STXBP3: variants seen among roughly 807,000 people sequenced by gnomAD.
STXBP3 encodes syntaxin binding protein 3.
STXBP3 carries 41 observed loss-of-function variants against 85.7 expected under a neutral mutation model. The ratio of observed to expected loss-of-function variants is 0.48; its 90% confidence interval spans 0.37 to 0.62. STXBP3 has a LOEUF of 0.62. STXBP3 is among the 20% of genes least tolerant of loss of function. The probability of loss-of-function intolerance (pLI) is 0.00; values close to 1 mark genes in which losing one functional copy is unlikely to be tolerated. For missense variants in STXBP3, 563 were observed against 703.1 expected, an observed-to-expected ratio of 0.80 and a Z score of 2.25; for synonymous variants, 229 against 231.7, an observed-to-expected ratio of 0.99 and a Z score of 0.10.
chr1:108,772,180 A>C (rs1169881790), intron 6 of STXBP3, among the ~76,000 whole-genome samples: 1 of 85,634 alleles, frequency 1.2e-5, no homozygotes, highest in African/African-American at 4.7e-5. Context: ...ATATCTATCT[A>C]TATATCATAT....
chr1:108,807,208 A>AGATC (rs1228699412), intron 17 of STXBP3, among the ~76,000 whole-genome samples, 193 bp from the exon 18 acceptor site: 2 of 150,516 alleles, frequency 1.3e-5, no homozygotes, highest in African/African-American at 4.9e-5. Flanking sequence ...CAGTGAACCA[A>AGATC]GATCGCTCCA....
At chr1:108,756,623 G>A in intron 3 of STXBP3, 67 bp from the exon 4 acceptor site, 1 of 900,034 alleles carries the variant, frequency 1.1e-6, no homozygotes, top group African/African-American at 1.7e-5. Context: ...GTACAGTAAA[G>A]TTTATTTAAA....
intron 9 of STXBP3, 103 bp from the exon 10 acceptor site, chr1:108,782,319 C>T (rs757605846): frequency 1.6e-4 from 138 of 864,490 alleles, no homozygotes; most frequent in Admixed American, 2.2e-4. Flanking sequence ...TTTTACTTTT[C>T]AGTTTCTTGA....
At chr1:108,778,594 C>A (rs1662639493) in intron 8 of STXBP3, among the ~76,000 whole-genome samples, 1 of 152,102 alleles carries the variant, frequency 6.6e-6, no homozygotes, top group African/African-American at 2.4e-5. Context: ...GCCTGTCTCA[C>A]AGGATTACTA....
intron 3 of STXBP3, among the ~76,000 whole-genome samples, chr1:108,756,244 T>C (rs755297957): frequency 6.6e-6 from 1 of 152,182 alleles, no homozygotes; most frequent in Non-Finnish European, 1.5e-5. Context: ...ATTGGCAATT[T>C]ATTTAAACAG....
intron 5 of STXBP3, among the ~76,000 whole-genome samples, chr1:108,759,462 T>C (rs1662089099): frequency 6.6e-6 from 1 of 152,146 alleles, no homozygotes; most frequent in Admixed American, 6.6e-5. Context: ...CTAGATCTAG[T>C]GGAATGATAA....
intron 17 of STXBP3, among the ~76,000 whole-genome samples, chr1:108,801,735 C>G (rs1051119219): frequency 6.6e-6 from 1 of 151,274 alleles, no homozygotes; most frequent in Non-Finnish European, 1.5e-5. Context: ...GTGGCATGAT[C>G]GTAGCTTACT....
chr1:108,786,026 G>C (rs1570766430), intron 11 of STXBP3, among the ~76,000 whole-genome samples: 1 of 152,286 alleles, frequency 6.6e-6, no homozygotes, highest in East Asian at 1.9e-4. Flanking sequence ...CTGTTACCCA[G>C]TTCCAAAGTT....
chr1:108,807,106 G>A (rs1395429577), intron 17 of STXBP3, among the ~76,000 whole-genome samples: 4 of 152,058 alleles, frequency 2.6e-5, no homozygotes, highest in African/African-American at 9.7e-5. Context: ...ACAAAAATTA[G>A]CTGGGCATGG....
intron 16 of STXBP3, 88 bp downstream of exon 16, chr1:108,798,325 T>G: frequency 9.8e-7 from 1 of 1,018,308 alleles, no homozygotes; most frequent in Non-Finnish European, 1.4e-6. Flanking sequence ...TCTGAGTATA[T>G]GTATTGGGCA....
chr1:108,747,110 G>GCCGCGCTCCCCACTCTTCTCCGCTCTCGT (rs1553194446), intron 1 of STXBP3, among the ~76,000 whole-genome samples: 1 of 147,394 alleles, frequency 6.8e-6, no homozygotes, highest in African/African-American at 2.5e-5. Flanking sequence ...CGTGCCCTCG[G>GCCGCGCTCCCCACTCTTCTCCGCTCTCGT]CCGCGCTCCC....
At chr1:108,778,062 G>T (rs916223906) in intron 8 of STXBP3, among the ~76,000 whole-genome samples, 5 of 152,062 alleles carry the variant, frequency 3.3e-5, no homozygotes, top group African/African-American at 1.2e-4. Flanking sequence ...GCAAGATGTG[G>T]TCAAGGCTGG....
chr1:108,798,400 C>A (rs1029762659), intron 16 of STXBP3, among the ~76,000 whole-genome samples, 163 bp downstream of exon 16: 4 of 119,848 alleles, frequency 3.3e-5, no homozygotes, highest in East Asian at 3.1e-4. Flanking sequence ...CTTGAAGATT[C>A]TTCTTCTTTT....
In STXBP3 at chr1:108,770,459, AGGGT is replaced by A. The variant is rs1252842484; in HGVS notation, c.439-2204_439-2201del. On this transcript the variant is annotated intron_variant, in intron 6 of 18. Transcript: ENST00000370008. Reference sequence around the variant, plus strand: ...TATGAGGAAGCCACAGTTCAAGTGTAGGGTGCTTGTTGACAATTAATACAGCATC... The same window carrying A: ...TATGAGGAAGCCACAGTTCAAGTGTAGCTTGTTGACAATTAATACAGCATC... Among the ~76,000 whole-genome samples, 29 of 148,316 alleles carry A rather than the reference AGGGT, an allele frequency of 2.0e-4. No individual in the cohort carries two copies. In the East Asian group the frequency reaches 4.5e-3, roughly 23 times the overall value.
intron 1 of STXBP3, among the ~76,000 whole-genome samples, chr1:108,750,192 A>C (rs1661871647): frequency 6.6e-6 from 1 of 152,166 alleles, no homozygotes; most frequent in African/African-American, 2.4e-5. Flanking sequence ...AAATCTGATA[A>C]AAACAAGCAA....
chr1:108,750,610 A>G (rs1661879450), intron 1 of STXBP3, among the ~76,000 whole-genome samples: 1 of 152,196 alleles, frequency 6.6e-6, no homozygotes, highest in Non-Finnish European at 1.5e-5. Flanking sequence ...CACCAGCTGT[A>G]TTAGTGTCAG....
chr1:108,796,518 GT>G (rs1399965056), intron 14 of STXBP3, 101 bp from the exon 15 acceptor site: 2 of 1,232,714 alleles, frequency 1.6e-6, no homozygotes, highest in East Asian at 5.1e-5. Flanking sequence ...TAATTTGACT[GT>G]TTTTTATTTT....
chr1:108,793,611 G>A lies in STXBP3; in HGVS notation c.993G>A (p.Met331Ile). ...CACTTAGTGCTCTTACCCAGCTGAT[G>A]AAAAAGATGCCCCATTTCCGAAAAC... The part of the protein sequence containing the change: ...KTSLSALTQL[M>I]KKMPHFRKQI... The change falls in exon 12 of 19, where the codon ATG (methionine) becomes ATA (isoleucine). Residue 331 changes from methionine to isoleucine, a missense_variant. Around this residue, in one of 3 missense-constraint regions of STXBP3, gnomAD observed 494 missense variants for 592.8 expected, o/e 0.83. Transcript: ENST00000370008. 6.2e-7 allele frequency: 1 copy of A among 1,612,304 alleles called. No homozygotes were observed.
intron 1 of STXBP3, among the ~76,000 whole-genome samples, chr1:108,748,947 T>C (rs1238441028): frequency 6.6e-6 from 1 of 152,210 alleles, no homozygotes; most frequent in Non-Finnish European, 1.5e-5. Context: ...GATTTTATTC[T>C]ATAAGCAAGA....
Sources: allele counts gnomAD v4.1 joint callset (sites outside exome capture counted in the v4.1 genomes callset), GRCh38; gene constraint gnomAD v4.1.1; regional missense constraint gnomAD v4.1.1; transcripts MANE v1.5; gene names NCBI Gene and HGNC (gene_info 2026-07-23, HGNC 2026-07-21).